Variants in MFAP3L observed in about 807,000 individuals in gnomAD.
MFAP3L encodes microfibrillar-associated protein 3-like.
MFAP3L carries 5 observed loss-of-function variants against 20.0 expected under a neutral mutation model. The ratio of observed to expected loss-of-function variants is 0.25; its 90% confidence interval spans 0.13 to 0.53. The LOEUF (loss-of-function observed/expected upper bound fraction) is 0.53. Ranked by LOEUF, MFAP3L falls within the 20% of genes least tolerant of loss-of-function variation. MFAP3L has a pLI of 0.96. For missense variants in MFAP3L, 409 were observed against 527.5 expected (o/e 0.78, Z 2.20); for synonymous variants, 219 against 213.0 (o/e 1.03, Z -0.25).
intron 2 of MFAP3L, chr4:170,002,190 G>C (rs1450263775): frequency 1.6e-5 from 16 of 985,182 alleles, no homozygotes; most frequent in African/African-American, 3.5e-5. Flanking sequence ...CACTCAGTCT[G>C]AGTGAGAGGC....
At chr4:170,016,460 G>A (rs1469618006) in intron 1 of MFAP3L, among the ~76,000 whole-genome samples, 4 of 152,148 alleles carry the variant, frequency 2.6e-5, no homozygotes, top group Non-Finnish European at 4.4e-5. Flanking sequence ...TTCAACCAGC[G>A]AGGCCCTTCC....
chr4:169,992,357 A>G lies in MFAP3L; in HGVS notation c.299-48T>C, dbSNP rs1207817923. 1.0e-5 allele frequency: 15 copies of G among 1,461,262 alleles called. No individual in the cohort carries two copies. The highest frequency in any genetic ancestry group is 1.4e-5 in the Non-Finnish European group (15 of 1,064,924). The allele number at this position is 1,461,262 out of a possible 1,614,324, so 90.5% of individuals were successfully genotyped here. On this transcript the variant is annotated intron_variant, in intron 2 of 2. Transcript: ENST00000361618. The surrounding 1 kb of genome is among the most constrained non-coding windows in gnomAD (Gnocchi z 4.3). ...ATTCAACCAAGGACACAGAGCTCCC[A>G]TGACTACAAACTGATACGTTTCTAA... is the stretch of plus-strand genomic sequence containing the variant.
intron 2 of MFAP3L, among the ~76,000 whole-genome samples, chr4:170,004,157 A>G (rs1369847613): frequency 6.6e-6 from 1 of 152,108 alleles, no homozygotes; most frequent in Non-Finnish European, 1.5e-5. Context: ...GGGTTTTACC[A>G]TGTTGGCCAG....
intron 1 of MFAP3L, among the ~76,000 whole-genome samples, chr4:170,024,042 T>A (rs1275166380): frequency 1.3e-5 from 2 of 152,150 alleles, no homozygotes; most frequent in Admixed American, 1.3e-4. Context: ...GCCTAGCAAG[T>A]GAGCTGCAAG....
In MFAP3L at chr4:169,992,201, T is replaced by C. The variant is rs765843964; in HGVS notation, c.407A>G (p.Asn136Ser). The part of the protein sequence containing the change: ...VASNIYGTVN[N>S]TVTLRVIFTS... ...GAAGATGACGCGCAAGGTCACCGTGTTGTTCACGGTGCCGTAGATGTTAGA... is the reference window on the plus strand; with the variant it reads ...GAAGATGACGCGCAAGGTCACCGTGCTGTTCACGGTGCCGTAGATGTTAGA... Residue 136 changes from asparagine to serine, a missense_variant, in exon 3 of 3, where the codon AAC becomes AGC. Around this residue, in one of 3 missense-constraint regions of MFAP3L, gnomAD observed 127 missense variants for 218.1 expected, o/e 0.58. Coordinates refer to ENST00000361618, the MANE Select transcript of MFAP3L (RefSeq NM_021647.8). This position sits in a 1 kb window ranked among gnomAD's most constrained non-coding sequence, Gnocchi z 4.3. The C allele has an allele frequency of 6.2e-7, 1 of 1,614,124 alleles. No homozygotes were observed. The highest frequency in any genetic ancestry group is 1.1e-5 in the South Asian group (1 of 91,080).
chr4:170,018,177 G>T (rs1739814545), intron 1 of MFAP3L, among the ~76,000 whole-genome samples: 1 of 152,216 alleles, frequency 6.6e-6, no homozygotes, highest in Non-Finnish European at 1.5e-5. Flanking sequence ...AATGTTCCCT[G>T]GGGTTGGCCA....
At chr4:170,027,011 G>T (rs955104640), upstream of MFAP3L, 5 of 152,156 alleles carry the variant, frequency 3.3e-5, no homozygotes, top group Non-Finnish European at 7.3e-5. Context: ...CCAGCGGGCC[G>T]TTCCCTGGTG....
intron 1 of MFAP3L, among the ~76,000 whole-genome samples, chr4:170,008,928 T>C (rs549204912): frequency 6.6e-6 from 1 of 152,340 alleles, no homozygotes; most frequent in African/African-American, 2.4e-5. Context: ...ACTTGCTGTA[T>C]GAAGCCATGC....
chr4:170,004,086 A>G (rs1236867407), intron 2 of MFAP3L, among the ~76,000 whole-genome samples: 2 of 152,148 alleles, frequency 1.3e-5, no homozygotes, highest in African/African-American at 4.8e-5. Flanking sequence ...CCTCCTGAGT[A>G]GCTGGAATTA....
At chr4:169,996,632 A>G (rs1309971025) in intron 2 of MFAP3L, among the ~76,000 whole-genome samples, 1 of 152,172 alleles carries the variant, frequency 6.6e-6, no homozygotes, top group Non-Finnish European at 1.5e-5. Flanking sequence ...CAGGGAGCAC[A>G]TGAGCACAAG....
Position 170,005,576 on chromosome 4 carries a change from C to A in MFAP3L, c.298+4G>T. The A allele has an allele frequency of 6.2e-7, 1 of 1,612,848 alleles. No homozygotes were observed. On this transcript the variant is annotated splice_donor_region_variant and intron_variant, in intron 2 of 2. Coordinates refer to ENST00000361618, the MANE Select transcript of MFAP3L (RefSeq NM_021647.8). Reference sequence around the variant, plus strand: ...ATGACATTTGATACAACTTTAAAGCCTACCTCCTCCTCTCTCCTTCTCATC... The same window carrying A: ...ATGACATTTGATACAACTTTAAAGCATACCTCCTCCTCTCTCCTTCTCATC...
At position 169,992,949 on chromosome 4, in the gene MFAP3L, C is replaced by T. The variant is rs1737839419; in HGVS notation, c.299-640G>A. On this transcript the variant is annotated intron_variant, in intron 2 of 2. Transcript: ENST00000361618. This position sits in a 1 kb window ranked among gnomAD's most constrained non-coding sequence, Gnocchi z 4.3. Reference sequence around the variant, plus strand: ...TATACTATTTAAAGTTACAAGCTAACAATGTGAGTATTCAGAGGCTGGATA... The same window carrying T: ...TATACTATTTAAAGTTACAAGCTAATAATGTGAGTATTCAGAGGCTGGATA... Among the ~76,000 whole-genome samples, 1 of 152,156 alleles carries T rather than the reference C, an allele frequency of 6.6e-6. No individual in the cohort carries two copies. The highest frequency in any genetic ancestry group is 1.5e-5 in the Non-Finnish European group (1 of 68,026).
chr4:170,007,403 G>A (rs1174545844), intron 1 of MFAP3L, among the ~76,000 whole-genome samples: 1 of 152,194 alleles, frequency 6.6e-6, no homozygotes. Context: ...GAATAGCTGT[G>A]AAGAGCATGG....
intron 1 of MFAP3L, among the ~76,000 whole-genome samples, chr4:170,013,646 G>T (rs1364183350): frequency 6.6e-6 from 1 of 152,182 alleles, no homozygotes; most frequent in East Asian, 1.9e-4. Flanking sequence ...TCAGACCTGG[G>T]ATTGTTTTCT....
At chr4:169,997,802 C>CATTTTTT in intron 2 of MFAP3L, 1 of 940,302 alleles carries the variant, frequency 1.1e-6, no homozygotes, top group Non-Finnish European at 1.2e-6. Flanking sequence ...TTCATTAATT[C>CATTTTTT]TTTTTTTTTT....
intron 1 of MFAP3L, among the ~76,000 whole-genome samples, chr4:170,022,459 C>A (rs1324660660): frequency 6.6e-6 from 1 of 152,200 alleles, no homozygotes; most frequent in African/African-American, 2.4e-5. Flanking sequence ...AGTAAAAGGA[C>A]CACTTTGTTC....
intron 1 of MFAP3L, among the ~76,000 whole-genome samples, chr4:170,017,190 T>C (rs1486069404): frequency 1.3e-5 from 2 of 152,238 alleles, no homozygotes; most frequent in East Asian, 3.9e-4. Flanking sequence ...CCTTCCTCTT[T>C]ACCAGCCCAT....
At chr4:170,006,208 G>GT (rs969053344) in intron 1 of MFAP3L, among the ~76,000 whole-genome samples, 198 bp from the exon 2 acceptor site, 2 of 151,688 alleles carry the variant, frequency 1.3e-5, no homozygotes, top group Non-Finnish European at 2.9e-5. Context: ...CACCTCCTAG[G>GT]TTTAAGTGAT....
chr4:169,997,779 A>G (rs1738290118), intron 2 of MFAP3L: 1 of 980,688 alleles, frequency 1.0e-6, no homozygotes, highest in East Asian at 1.2e-4. Context: ...ACTCCTGCCC[A>G]GCTCGGCCTC....
Sources: allele counts gnomAD v4.1 joint callset (sites outside exome capture counted in the v4.1 genomes callset), GRCh38; gene constraint gnomAD v4.1.1; regional missense constraint gnomAD v4.1.1; non-coding constraint Gnocchi (gnomAD v3.1); transcripts MANE v1.5; gene names NCBI Gene and HGNC (gene_info 2026-07-23, HGNC 2026-07-21).